DEFB118: variants seen among roughly 807,000 people sequenced by gnomAD.
The protein encoded by DEFB118 is defensin, beta 18.
Under a neutral mutation model 2.8 loss-of-function variants are expected in DEFB118, and 3 were observed. That is an observed-to-expected ratio of 1.09 (90% CI 0.50 to 2.82). DEFB118 has a LOEUF of 2.82. Ranked by LOEUF, DEFB118 falls within the 30% of genes most tolerant of loss-of-function variation. The pLI is 0.04. For synonymous variants in DEFB118, 63 were observed against 53.5 expected, an observed-to-expected ratio of 1.18 and a Z score of -0.78; for missense variants, 159 against 144.6, an observed-to-expected ratio of 1.10 and a Z score of -0.51.
At chr20:31,372,790 C>T (rs1986233757) in intron 1 of DEFB118, 67 bp from the exon 2 acceptor site, 1 of 1,248,458 alleles carries the variant, frequency 8.0e-7, no homozygotes, top group Non-Finnish European at 1.1e-6. Context: ...GCGAGATATA[C>T]AGTCATGCTA....
chr20:31,372,016 T>C (rs1986217839), intron 1 of DEFB118, among the ~76,000 whole-genome samples: 1 of 152,194 alleles, frequency 6.6e-6, no homozygotes, highest in Non-Finnish European at 1.5e-5. Flanking sequence ...GCAAAAGACA[T>C]TATTTTGTTC....
Position 31,368,684 on chromosome 20 carries a change from G to A in DEFB118, c.34G>A (p.Val12Met). ...KLLLLALPML[V>M]LLPQVIPAYS... ...CCTGCTGCTGGCTCTTCCTATGCTT[G>A]TGCTCCTACCCCAAGTGATCCCAGG... is the stretch of plus-strand genomic sequence containing the variant. The change falls in exon 1 of 2, where the codon GTG becomes ATG. Residue 12 changes from valine to methionine, a missense_variant. Val to Met is a conservative substitution (Grantham distance 21). Transcript: ENST00000253381. 1.2e-6 allele frequency: 2 copies of A among 1,613,700 alleles called. No individual in the cohort carries two copies. Among genetic ancestry groups the A allele is most frequent in the Non-Finnish European group, 1.7e-6 (2 of 1,179,730 alleles).
At position 31,369,385 on chromosome 20, in the gene DEFB118, G is replaced by GTTT. The variant is rs71185357; in HGVS notation, c.58+696_58+698dup. ...CTGCATGGCTATGCAGCACTCTTGT[G>GTTT]TTTTTTTTTTTTTTTTTTTTTGAAG... On this transcript the variant is annotated intron_variant, in intron 1 of 1. Transcript: ENST00000253381. 9.8e-3 allele frequency among the ~76,000 whole-genome samples: 1,017 copies of GTTT among 103,808 alleles called. 29 individuals are homozygous for GTTT. The highest frequency in any genetic ancestry group is 0.024 in the African/African-American group (628 of 26,038). The allele number at this position is 103,808 out of a possible 152,430, so 68.1% of individuals were successfully genotyped here.
rs746936122 is a variant in DEFB118, at chr20:31,373,023, C to T, written c.225C>T (p.Asp75=). 1.4e-5 allele frequency: 22 copies of T among 1,614,066 alleles called. No homozygotes were observed. The highest frequency in any genetic ancestry group is 8.3e-5 in the Admixed American group (5 of 59,996). The stretch of plus-strand genomic sequence containing the variant: ...CGACATCTCCCACACCCTTGAGTGA[C>T]TCAACACCAGGAATTATTGATGATA... The part of the protein sequence containing the change: ...VPATSPTPLS[D]STPGIIDDIL... The change falls in exon 2 of 2, where the codon GAC becomes GAT. Residue 75 remains aspartate (D), a synonymous_variant. Transcript: ENST00000253381.
At chr20:31,369,679 C>T (rs1338493406) in intron 1 of DEFB118, among the ~76,000 whole-genome samples, 10 of 152,040 alleles carry the variant, frequency 6.6e-5, no homozygotes, top group African/African-American at 1.7e-4. Context: ...CATGAGCCAC[C>T]GCACCCGGCC....
chr20:31,370,481 G>T (rs1568724724), intron 1 of DEFB118, among the ~76,000 whole-genome samples: 1 of 152,144 alleles, frequency 6.6e-6, no homozygotes, highest in Non-Finnish European at 1.5e-5. Context: ...ATGATCTGGG[G>T]TTTCAAGTCT....
intron 1 of DEFB118, 149 bp from the exon 2 acceptor site, chr20:31,372,708 A>G (rs1451209252): frequency 1.6e-6 from 1 of 629,562 alleles, no homozygotes; most frequent in Non-Finnish European, 2.8e-6. Context: ...TGGGAGGTTG[A>G]GTATTTGCCA....
In DEFB118 at chr20:31,373,490, T is replaced by G; in HGVS notation, c.*320T>G. 3.3e-6 allele frequency: 1 copy of G among 306,760 alleles called. No individual in the cohort carries two copies. Among genetic ancestry groups the G allele is most frequent in the Non-Finnish European group, 6.1e-6 (1 of 164,906 alleles). The allele number at this position is 306,760 out of a possible 1,614,324, so 19.0% of individuals were successfully genotyped here. A position where few individuals can be genotyped will look rare whatever the true frequency, so the allele number is the denominator to read the frequency against. On this transcript the variant is annotated 3_prime_UTR_variant, in exon 2 of 2. Coordinates refer to ENST00000253381, the MANE Select transcript of DEFB118 (RefSeq NM_054112.3). Reference sequence around the variant, plus strand: ...CAATTTCTTCATGTATCGTTCTGTCTTCTCAACAGCTGTCTTCATGGCAGC... The same window carrying G: ...CAATTTCTTCATGTATCGTTCTGTCGTCTCAACAGCTGTCTTCATGGCAGC...
Position 31,373,124 on chromosome 20 carries a change from G to C in DEFB118, c.326G>C (p.Gly109Ala). 2 of 1,614,052 alleles carry C rather than the reference G, an allele frequency of 1.2e-6. No individual in the cohort carries two copies. The highest frequency in any genetic ancestry group is 1.7e-6 in the Non-Finnish European group (2 of 1,180,016). ...KKDMVEESEA[G>A]RGTETSLPNV... ...GATATGGTTGAAGAGTCTGAGGCGG[G>C]AAGGGGAACTGAGACCTCTCTTCCA... The change falls in exon 2 of 2, where the codon GGA becomes GCA. Residue 109 changes from glycine (G) to alanine (A), a missense_variant. Gly to Ala is a moderately conservative substitution (Grantham distance 60). Coordinates refer to ENST00000253381, the MANE Select transcript of DEFB118 (RefSeq NM_054112.3).
chr20:31,371,110 C>T (rs1986202724), intron 1 of DEFB118, among the ~76,000 whole-genome samples: 1 of 152,144 alleles, frequency 6.6e-6, no homozygotes, highest in Non-Finnish European at 1.5e-5. Context: ...GTGATCTCAA[C>T]TCCCATTATA....
At chr20:31,368,784 G>T (rs186752155) in intron 1 of DEFB118, 76 bp downstream of exon 1, 2 of 1,401,806 alleles carry the variant, frequency 1.4e-6, no homozygotes, top group Non-Finnish European at 2.0e-6. Context: ...ATGTGTCACG[G>T]TACTCCCCAA....
rs141176785 is a variant in DEFB118 at position 31,372,481 on chromosome 20, G to A, written c.59-376G>A. 5.6e-3 allele frequency among the ~76,000 whole-genome samples: 846 copies of A among 152,178 alleles called. 5 individuals carry two copies. Among genetic ancestry groups the A allele is most frequent in the African/African-American group, 0.019 (796 of 41,508 alleles). Reference sequence around the variant, plus strand: ...AGAGAATCGCTTGAACCAGGGAGGCGGAGGTTGCAGTGAGCTGAGATCATG... The same window carrying A: ...AGAGAATCGCTTGAACCAGGGAGGCAGAGGTTGCAGTGAGCTGAGATCATG... On this transcript the variant is annotated intron_variant, in intron 1 of 1. Coordinates refer to ENST00000253381, the MANE Select transcript of DEFB118 (RefSeq NM_054112.3).
Position 31,373,019 on chromosome 20 carries a change from G to A in DEFB118, c.221G>A (p.Ser74Asn). Reference protein sequence around the residue: ...RVPATSPTPLSDSTPGIIDDI... With the variant: ...RVPATSPTPLNDSTPGIIDDI... Reference sequence around the variant, plus strand: ...CCTGCGACATCTCCCACACCCTTGAGTGACTCAACACCAGGAATTATTGAT... The same window carrying A: ...CCTGCGACATCTCCCACACCCTTGAATGACTCAACACCAGGAATTATTGAT... Residue 74 changes from serine to asparagine, a missense_variant, in exon 2 of 2, where the codon AGT becomes AAT. Ser to Asn is a conservative substitution (Grantham distance 46). Coordinates refer to ENST00000253381, the MANE Select transcript of DEFB118 (RefSeq NM_054112.3). 1 of 1,614,184 alleles carries A rather than the reference G, an allele frequency of 6.2e-7. No homozygotes were observed. The highest frequency in any genetic ancestry group is 8.5e-7 in the Non-Finnish European group (1 of 1,180,034).
intron 1 of DEFB118, among the ~76,000 whole-genome samples, chr20:31,370,964 T>C (rs1986201466): frequency 6.6e-6 from 1 of 152,082 alleles, no homozygotes; most frequent in Non-Finnish European, 1.5e-5. Flanking sequence ...TTGGCCAGGC[T>C]AGTTTCAAAC....
At chr20:31,368,762 A>G (rs1831832015) in intron 1 of DEFB118, 54 bp downstream of exon 1, 3 of 1,549,770 alleles carry the variant, frequency 1.9e-6, no homozygotes, top group Admixed American at 1.7e-5. Flanking sequence ...GTTCTGGCTC[A>G]TGAAAATTCC....
chr20:31,371,527 G>C (rs1419769315), intron 1 of DEFB118, among the ~76,000 whole-genome samples: 1 of 151,720 alleles, frequency 6.6e-6, no homozygotes, highest in East Asian at 1.9e-4. Context: ...CTGAAGTGCA[G>C]TGGCACGATC....
In DEFB118 at chr20:31,373,091, G is replaced by C. The variant is rs1447841471; in HGVS notation, c.293G>C (p.Ser98Thr). 1.2e-6 allele frequency: 2 copies of C among 1,614,174 alleles called. No homozygotes were observed. Among genetic ancestry groups the C allele is most frequent in the Non-Finnish European group, 1.7e-6 (2 of 1,180,038 alleles). ...ACGACAGACTACTTTGAAGTAAGCA[G>C]CAAGAAAGATATGGTTGAAGAGTCT... ...RFTTDYFEVS[S>T]KKDMVEESEA... The change falls in exon 2 of 2, where the codon AGC becomes ACC. Residue 98 changes from serine (S) to threonine (T), a missense_variant. By Grantham distance (58) the Ser-to-Thr change is moderately conservative (BLOSUM62 1). Transcript: ENST00000253381.
At chr20:31,370,846 G>A (rs1306917943) in intron 1 of DEFB118, among the ~76,000 whole-genome samples, 4 of 152,154 alleles carry the variant, frequency 2.6e-5, no homozygotes, top group African/African-American at 9.7e-5. Flanking sequence ...TGCCTCGGGG[G>A]TTCAAGCGAT....
intron 1 of DEFB118, 114 bp from the exon 2 acceptor site, chr20:31,372,743 T>A (rs1198295779): frequency 3.8e-6 from 3 of 792,932 alleles, no homozygotes; most frequent in Non-Finnish European, 6.0e-6. Context: ...GTCTTGCAGC[T>A]GTCATCTAAT....
Sources: gnomAD v4.1 joint callset for allele counts (sites outside exome capture counted in the v4.1 genomes callset) on GRCh38, gnomAD v4.1.1 for gene constraint, MANE v1.5 for transcripts, NCBI Gene and HGNC (gene_info 2026-07-23, HGNC 2026-07-21) for gene names.